FMN1: variants seen among roughly 807,000 people sequenced by gnomAD.
FMN1 encodes the protein formin 1, also known as formin-1.
In FMN1, 110 loss-of-function variants were observed where a neutral mutation model predicts 132.4. The observed-to-expected ratio is 0.83, with a 90% CI of 0.71 to 0.97. The LOEUF is 0.97. Among genes scored for constraint, FMN1 ranks in the 50% least tolerant of loss-of-function variants. The pLI, the probability that FMN1 is intolerant of heterozygous loss-of-function variation, is 0.00. For synonymous variants in FMN1, 722 were observed against 651.7 expected (o/e 1.11, Z -1.64); for missense variants, 1,792 against 1,705.3 (o/e 1.05, Z -0.90).
chr15:32,951,991 G>A (rs2061664461), intron 9 of FMN1, among the ~76,000 whole-genome samples: 1 of 152,190 alleles, frequency 6.6e-6, no homozygotes, highest in African/African-American at 2.4e-5. Flanking sequence ...ATGGCTCTGA[G>A]GCAAACGCCC....
intron 16 of FMN1, among the ~76,000 whole-genome samples, chr15:32,861,773 C>T (rs946038878): frequency 1.3e-5 from 2 of 152,162 alleles, no homozygotes; most frequent in East Asian, 1.9e-4. Context: ...TTTTCATTCC[C>T]GTGCTGAAGT....
chr15:32,903,632 G>A (rs1596234283), intron 12 of FMN1, among the ~76,000 whole-genome samples: 2 of 152,222 alleles, frequency 1.3e-5, no homozygotes, highest in Middle Eastern at 6.8e-3. Flanking sequence ...ACACCACCTG[G>A]GAAAATATAC....
intron 9 of FMN1, among the ~76,000 whole-genome samples, chr15:32,963,053 T>C (rs1438741321): frequency 2.1e-5 from 3 of 144,746 alleles, no homozygotes; most frequent in South Asian, 2.2e-4. Flanking sequence ...CGTATGTTTA[T>C]TGTGGCATTA....
At chr15:32,792,401 C>T (rs1011775369) in intron 19 of FMN1, among the ~76,000 whole-genome samples, 13 of 151,496 alleles carry the variant, frequency 8.6e-5, no homozygotes, top group African/African-American at 2.2e-4. Flanking sequence ...GCCGAAATCG[C>T]GCCACTGCAC....
chr15:32,815,878 C>T (rs1233136864), intron 17 of FMN1, among the ~76,000 whole-genome samples: 1 of 152,184 alleles, frequency 6.6e-6, no homozygotes, highest in African/African-American at 2.4e-5. Flanking sequence ...GGAGCCGAAG[C>T]TTCCAAGTGC....
chr15:33,077,993 T>C (rs2038288928), intron 5 of FMN1, among the ~76,000 whole-genome samples: 1 of 151,962 alleles, frequency 6.6e-6, no homozygotes, highest in Non-Finnish European at 1.5e-5. Flanking sequence ...AAACAACAGG[T>C]GCTGGAGAGG....
chr15:33,065,049 T>C lies in FMN1; in HGVS notation c.2069A>G (p.Asp690Gly), dbSNP rs543921543. ...TTGAAGTCTGCCAGGAGTCCTGTCA[T>C]CCTGCTCAGTCAGGCTGTGGTCAGG... ...LHPDHSLTEQDDRTPGRLQAV... is the reference protein window; with the variant it reads ...LHPDHSLTEQGDRTPGRLQAV... The change falls in exon 6 of 21, where the codon GAT becomes GGT. Residue 690 changes from aspartate (D) to glycine (G), a missense_variant. Transcript: ENST00000616417. The C allele has an allele frequency of 3.1e-6, 5 of 1,610,678 alleles. No homozygotes were observed. Among genetic ancestry groups the C allele is most frequent in the Non-Finnish European group, 3.4e-6 (4 of 1,178,382 alleles).
At chr15:32,785,111 G>T (rs113765535) in intron 19 of FMN1, among the ~76,000 whole-genome samples, 4,895 of 146,198 alleles carry the variant, frequency 0.033, 213 homozygotes, top group African/African-American at 0.088. Flanking sequence ...TAACTTTTGA[G>T]TAACTCTTAA....
chr15:32,855,495 G>A (rs537771917), intron 17 of FMN1, among the ~76,000 whole-genome samples: 1 of 152,252 alleles, frequency 6.6e-6, no homozygotes, highest in East Asian at 1.9e-4. Flanking sequence ...GCTTTTCCAA[G>A]GTACCAAAGA....
Position 32,777,918 on chromosome 15 carries a change from T to TAATATATAATACATTATATATTATGC in FMN1, c.4131-1000_4131-999insGCATAATATATAATGTATTATATATT, listed in dbSNP as rs2056520126. ...AATATATAATACATTATATATTATG[T>TAATATATAATACATTATATATTATGC]ATAATATATAATACATTATATATTA... On this transcript the variant is annotated intron_variant, in intron 19 of 20. Coordinates refer to ENST00000616417, the MANE Select transcript of FMN1 (RefSeq NM_001277313.2). Among the ~76,000 whole-genome samples, 2 of 3,634 alleles carry TAATATATAATACATTATATATTATGC rather than the reference T, an allele frequency of 5.5e-4. 1 individual carries two copies. The highest frequency in any genetic ancestry group is 7.3e-4 in the African/African-American group (2 of 2,744). 2.4% of individuals were successfully genotyped at this position (3,634 alleles called of 152,430 possible).
chr15:32,887,012 G>A (rs760935623), intron 16 of FMN1, among the ~76,000 whole-genome samples: 1 of 129,596 alleles, frequency 7.7e-6, no homozygotes, highest in Middle Eastern at 3.8e-3. Flanking sequence ...AAAAACCCAC[G>A]TTCCTTTAAA....
chr15:32,892,722 T>A lies in FMN1; in HGVS notation c.3715-4430A>T, dbSNP rs141813271. ...TTTTTTGTTGGTAATTTTAAAATTATCATTTAATTCTTGCTGCTTGTTACT... is the reference window on the plus strand; with the variant it reads ...TTTTTTGTTGGTAATTTTAAAATTAACATTTAATTCTTGCTGCTTGTTACT... On this transcript the variant is annotated intron_variant, in intron 15 of 20. Transcript: ENST00000616417. 5.9e-3 allele frequency among the ~76,000 whole-genome samples: 894 copies of A among 152,290 alleles called. 11 individuals are homozygous for A. The highest frequency in any genetic ancestry group is 0.02 in the African/African-American group (849 of 41,562).
chr15:32,967,812 G>A (rs1220656284), intron 8 of FMN1, among the ~76,000 whole-genome samples: 2 of 152,202 alleles, frequency 1.3e-5, no homozygotes, highest in African/African-American at 4.8e-5. Context: ...CCTTGCCTAA[G>A]CAAAGTGTTA....
intron 9 of FMN1, among the ~76,000 whole-genome samples, chr15:32,930,328 T>C (rs2061079766): frequency 6.6e-6 from 1 of 152,078 alleles, no homozygotes; most frequent in African/African-American, 2.4e-5. Flanking sequence ...TTTTCCATAG[T>C]GACTACACCA....
chr15:32,886,751 A>G (rs1199676827), intron 16 of FMN1, among the ~76,000 whole-genome samples: 2 of 152,176 alleles, frequency 1.3e-5, no homozygotes, highest in Non-Finnish European at 2.9e-5. Flanking sequence ...CTCCCCTGCC[A>G]TTGCTAACTC....
At chr15:32,827,814 A>C (rs916840664) in intron 17 of FMN1, among the ~76,000 whole-genome samples, 2 of 151,924 alleles carry the variant, frequency 1.3e-5, no homozygotes, top group African/African-American at 4.8e-5. Context: ...ACTGCACTCC[A>C]GCCTGGGTGA....
chr15:33,188,710 AC>A (rs1390778352), intron 2 of FMN1, among the ~76,000 whole-genome samples: 6 of 152,072 alleles, frequency 3.9e-5, no homozygotes, highest in African/African-American at 1.4e-4. Flanking sequence ...AAAAGTCAAG[AC>A]CTAGAAACTG....
chr15:32,976,317 C>T (rs1348526375), intron 7 of FMN1, among the ~76,000 whole-genome samples: 1 of 152,076 alleles, frequency 6.6e-6, no homozygotes, highest in Admixed American at 6.6e-5. Flanking sequence ...CTTGTGAGCA[C>T]AAAATGCCTC....
intron 19 of FMN1, among the ~76,000 whole-genome samples, chr15:32,782,301 T>C (rs2056690806): frequency 6.6e-6 from 1 of 152,230 alleles, no homozygotes; most frequent in South Asian, 2.1e-4. Context: ...TGACATGCAT[T>C]GATAACTTTT....
Sources: allele counts gnomAD v4.1 joint callset (sites outside exome capture counted in the v4.1 genomes callset), GRCh38; gene constraint gnomAD v4.1.1; transcripts MANE v1.5; gene names NCBI Gene and HGNC (gene_info 2026-07-23, HGNC 2026-07-21).